The following ADAMTS9 variants were observed in gnomAD, a reference collection of about 807,000 sequenced individuals.
ADAMTS9 encodes ADAM metallopeptidase with thrombospondin type 1 motif 9, also known as A disintegrin and metalloproteinase with thrombospondin motifs 9.
In ADAMTS9, 107 loss-of-function variants were observed where a neutral mutation model predicts 257.1. That is an observed-to-expected ratio of 0.42 (90% CI 0.36 to 0.49). ADAMTS9 has a LOEUF of 0.49. ADAMTS9 is among the 20% of genes least tolerant of loss of function. The probability of loss-of-function intolerance (pLI) is 0.03; values close to 1 mark genes in which losing one functional copy is unlikely to be tolerated. For synonymous variants in ADAMTS9, 982 were observed against 880.9 expected (o/e 1.11, Z -2.03); for missense variants, 2,353 against 2,469.1 (o/e 0.95, Z 1.00).
intron 26 of ADAMTS9, among the ~76,000 whole-genome samples, chr3:64,597,690 T>C (rs969435302): frequency 6.6e-6 from 1 of 152,216 alleles, no homozygotes; most frequent in Admixed American, 6.5e-5. Flanking sequence ...CTCTCTTTCA[T>C]GGTTTGTCAT....
intron 12 of ADAMTS9, among the ~76,000 whole-genome samples, chr3:64,634,496 G>A (rs1407567235): frequency 6.6e-6 from 1 of 152,236 alleles, no homozygotes; most frequent in Non-Finnish European, 1.5e-5. Context: ...GCAGGAAAGA[G>A]CATACTGGTT....
chr3:64,656,462 G>A (rs1396210018), intron 4 of ADAMTS9, among the ~76,000 whole-genome samples: 1 of 152,072 alleles, frequency 6.6e-6, no homozygotes, highest in Non-Finnish European at 1.5e-5. Flanking sequence ...TCTCTATACA[G>A]CAAAACTCTG....
rs144977953 is a variant in ADAMTS9 at position 64,519,282 on chromosome 3, A to G, written c.*6-2161T>C. ...CACTTGCATTAGAATTCTCTGTATT[A>G]AAGTTACAGATCCCTGAATCCACCA... On this transcript the variant is annotated intron_variant, in intron 39 of 39. Transcript: ENST00000498707. 3.2e-3 allele frequency among the ~76,000 whole-genome samples: 487 copies of G among 152,290 alleles called. 1 individual carries two copies. Among genetic ancestry groups the G allele is most frequent in the Middle Eastern group, 0.014 (4 of 294 alleles).
Position 64,604,246 on chromosome 3 carries a change from C to A in ADAMTS9, c.3560G>T (p.Arg1187Leu). 6.2e-7 allele frequency: 1 copy of A among 1,613,328 alleles called. No individual in the cohort carries two copies. The highest frequency in any genetic ancestry group is 8.5e-7 in the Non-Finnish European group (1 of 1,179,712). Residue 1187 changes from arginine (R) to leucine (L), a missense_variant, in exon 24 of 40, where the codon CGA (arginine) becomes CTA (leucine). By Grantham distance (102) the Arg-to-Leu change is moderately radical. Transcript: ENST00000498707. Reference sequence around the variant, plus strand: ...TCTTACTGGGGTCCAAGACCCAAATCGCCACTGGGTTCTTGGTGCACTGTA... The same window carrying A: ...TCTTACTGGGGTCCAAGACCCAAATAGCCACTGGGTTCTTGGTGCACTGTA... The part of the protein sequence containing the change: ...STYSAPRTQW[R>L]FGSWTPCSAT...
intron 25 of ADAMTS9, 36 bp from the exon 26 acceptor site, chr3:64,602,249 AT>A: frequency 1.2e-6 from 2 of 1,603,624 alleles, no homozygotes; most frequent in Non-Finnish European, 1.7e-6. Context: ...AGGGTCAGTC[AT>A]TTGGTGGAGG....
chr3:64,531,143 G>A (rs900210182), intron 38 of ADAMTS9, among the ~76,000 whole-genome samples: 9 of 151,460 alleles, frequency 5.9e-5, no homozygotes, highest in Non-Finnish European at 1.0e-4. Flanking sequence ...AGATGGAGAA[G>A]AGAGAGAGTG....
chr3:64,633,643 G>A, intron 13 of ADAMTS9, 35 bp from the exon 14 acceptor site: 1 of 1,613,942 alleles, frequency 6.2e-7, no homozygotes, highest in Non-Finnish European at 8.5e-7. Context: ...TGACTTTTGT[G>A]CCTGGCCTCA....
chr3:64,666,141 T>C (rs142320429), intron 3 of ADAMTS9, among the ~76,000 whole-genome samples: 1 of 152,250 alleles, frequency 6.6e-6, no homozygotes, highest in African/African-American at 2.4e-5. Context: ...GATTTATTGG[T>C]AAAAATGTTT....
intron 12 of ADAMTS9, among the ~76,000 whole-genome samples, chr3:64,638,374 T>C (rs1700552926): frequency 6.6e-6 from 1 of 152,170 alleles, no homozygotes; most frequent in Non-Finnish European, 1.5e-5. Context: ...AGTCTGGTTT[T>C]GGTACTGTTA....
chr3:64,617,271 C>T (rs1377273645), intron 19 of ADAMTS9, among the ~76,000 whole-genome samples: 3 of 152,128 alleles, frequency 2.0e-5, no homozygotes, highest in Non-Finnish European at 2.9e-5. Flanking sequence ...TCTTTGCCTT[C>T]GTCACCATTT....
At position 64,676,521 on chromosome 3, in the gene ADAMTS9, T is replaced by TAA. The variant is rs34790856; in HGVS notation, c.679+4678_679+4679dup. Reference sequence around the variant, plus strand: ...CATGTACCCAAATAGAGTTTATCATTAAAAAAAAATAATATCCTACCAAAC... The same window carrying TAA: ...CATGTACCCAAATAGAGTTTATCATTAAAAAAAAAAATAATATCCTACCAAAC... On this transcript the variant is annotated intron_variant, in intron 3 of 39. Transcript: ENST00000498707. Among the ~76,000 whole-genome samples, 112 of 151,202 alleles carry TAA rather than the reference T, an allele frequency of 7.4e-4. 1 individual carries two copies. The East Asian group carries it at 0.018, about 24-fold the overall frequency.
intron 3 of ADAMTS9, among the ~76,000 whole-genome samples, chr3:64,678,726 CTGG>C (rs1045985583): frequency 6.6e-6 from 1 of 152,214 alleles, no homozygotes; most frequent in Non-Finnish European, 1.5e-5. Flanking sequence ...CAAAGGCTAC[CTGG>C]TTCCAGAGGT....
rs770430591 is a variant in ADAMTS9 at position 64,622,552 on chromosome 3, A to G, written c.2424T>C (p.Asn808=). ...TGGCCATTGTGACAACAAAGTTTCC[A>G]TTTAGCAAGAATTCACCTTTACTGC... ...LSSSKGEFLL[N]GNFVVTMAKR... is the part of the protein sequence containing the mutation. The change falls in exon 17 of 40, where the codon AAT becomes AAC. Residue 808 remains asparagine, a synonymous_variant. Coordinates refer to ENST00000498707, the MANE Select transcript of ADAMTS9 (RefSeq NM_182920.2). 19 of 1,614,114 alleles carry G rather than the reference A, an allele frequency of 1.2e-5. No individual in the cohort carries two copies. Among genetic ancestry groups the G allele is most frequent in the Non-Finnish European group, 1.5e-5 (18 of 1,179,974 alleles).
intron 4 of ADAMTS9, 73 bp downstream of exon 4, chr3:64,658,429 C>T (rs1045652564): frequency 8.9e-6 from 13 of 1,457,290 alleles, no homozygotes; most frequent in South Asian, 1.3e-5. Flanking sequence ...TCCTCCAAAG[C>T]ACTGAGTGGA....
chr3:64,595,823 A>G lies in ADAMTS9; in HGVS notation c.4179+1007T>C, dbSNP rs925378478. On this transcript the variant is annotated intron_variant, in intron 27 of 39. Transcript: ENST00000498707. ...TCCCCCCCTTGGCACTGGGACCTCC[A>G]AAGTGTTATTTCTCGTGTTTTATTT... Among the ~76,000 whole-genome samples, 3 of 152,296 alleles carry G rather than the reference A, an allele frequency of 2.0e-5. 1 individual carries two copies. Among genetic ancestry groups the G allele is most frequent in the Non-Finnish European group, 4.4e-5 (3 of 68,024 alleles).
chr3:64,655,042 G>T lies in ADAMTS9; in HGVS notation c.1170-430C>A, dbSNP rs965919719. ...CACAATTAAGCCAGCACGCGTCTTT[G>T]TTGCTACAGTGTTTTAACATTTTGA... On this transcript the variant is annotated intron_variant, in intron 6 of 39. Transcript: ENST00000498707. 3.3e-5 allele frequency among the ~76,000 whole-genome samples: 5 copies of T among 152,204 alleles called. 1 individual carries two copies. Among genetic ancestry groups the T allele is most frequent in the Admixed American group, 3.3e-4 (5 of 15,288 alleles).
At position 64,622,431 on chromosome 3, in the gene ADAMTS9, G is replaced by C. The variant is rs368706024; in HGVS notation, c.2545C>G (p.Leu849Val). ...GGTCAAGTTTTTACCTGAAGCAAAAGTTCTTGCTCAATGCGATCTGTTGAG... is the reference window on the plus strand; with the variant it reads ...GGTCAAGTTTTTACCTGAAGCAAAACTTCTTGCTCAATGCGATCTGTTGAG... ...INSTDRIEQE[L>V]LLQVLSVGKL... The change falls in exon 17 of 40, where the codon CTT becomes GTT. Residue 849 changes from leucine to valine, a missense_variant. Leu to Val is a conservative substitution (Grantham distance 32). This residue lies in a region of ADAMTS9 where 1,402 missense variants were observed against 1,441.4 expected (regional missense o/e 0.97). Coordinates refer to ENST00000498707, the MANE Select transcript of ADAMTS9 (RefSeq NM_182920.2). 1.2e-6 allele frequency: 2 copies of C among 1,613,938 alleles called. No homozygotes were observed. The highest frequency in any genetic ancestry group is 8.5e-7 in the Non-Finnish European group (1 of 1,179,960).
chr3:64,664,456 G>C (rs1701302208), intron 3 of ADAMTS9, among the ~76,000 whole-genome samples: 2 of 151,980 alleles, frequency 1.3e-5, no homozygotes, highest in African/African-American at 4.8e-5. Context: ...TCAGCCCCTG[G>C]CAATCACTAA....
chr3:64,581,692 G>T (rs2084004821), intron 28 of ADAMTS9, among the ~76,000 whole-genome samples: 1 of 152,152 alleles, frequency 6.6e-6, no homozygotes, highest in African/African-American at 2.4e-5. Flanking sequence ...ATAGCCAATT[G>T]GTAATTTAAG....
Sources: allele counts gnomAD v4.1 joint callset (sites outside exome capture counted in the v4.1 genomes callset), GRCh38; gene constraint gnomAD v4.1.1; regional missense constraint gnomAD v4.1.1; transcripts MANE v1.5; gene names NCBI Gene and HGNC (gene_info 2026-07-23, HGNC 2026-07-21).